PTPRR: variants seen among roughly 807,000 people sequenced by gnomAD.
PTPRR encodes receptor-type tyrosine-protein phosphatase R.
In PTPRR, 38 loss-of-function variants were observed where a neutral mutation model predicts 77.2. That is an observed-to-expected ratio of 0.49 (90% CI 0.38 to 0.65). The LOEUF is 0.65. Among genes scored for constraint, PTPRR ranks in the 30% least tolerant of loss-of-function variants. PTPRR has a pLI of 0.00. For synonymous variants in PTPRR, 299 were observed against 283.1 expected, an observed-to-expected ratio of 1.06 and a Z score of -0.57; for missense variants, 744 against 799.2, an observed-to-expected ratio of 0.93 and a Z score of 0.83.
intron 13 of PTPRR, among the ~76,000 whole-genome samples, chr12:70,647,097 A>G (rs1352717733): frequency 6.6e-6 from 1 of 152,130 alleles, no homozygotes; most frequent in Non-Finnish European, 1.5e-5. Flanking sequence ...CCTCTAAGGT[A>G]AGGATGTACA....
intron 1 of PTPRR, among the ~76,000 whole-genome samples, chr12:70,904,270 A>G (rs1665990638): frequency 6.6e-6 from 1 of 151,932 alleles, no homozygotes; most frequent in African/African-American, 2.4e-5. Flanking sequence ...AAATTTTATT[A>G]GCAAGTCTAT....
At chr12:70,716,964 C>CAT (rs1889054998) in intron 6 of PTPRR, among the ~76,000 whole-genome samples, 1 of 152,152 alleles carries the variant, frequency 6.6e-6, no homozygotes, top group African/African-American at 2.4e-5. Flanking sequence ...CTACTATAAC[C>CAT]ATAAAGACAA....
At chr12:70,728,528 AATATATATATATATATATATAT>A (rs71068723) in intron 6 of PTPRR, among the ~76,000 whole-genome samples, 8 of 80,152 alleles carry the variant, frequency 1.0e-4, no homozygotes, top group Non-Finnish European at 1.6e-4. Flanking sequence ...CCAAAATCTG[AATATATATATATATATATATAT>A]ATATATATAT....
At chr12:70,919,498 A>G (rs186723916) in intron 1 of PTPRR, among the ~76,000 whole-genome samples, 46 of 152,256 alleles carry the variant, frequency 3.0e-4, no homozygotes, top group African/African-American at 1.1e-3. Context: ...CACCACATAT[A>G]ATATCTCTCA....
intron 5 of PTPRR, among the ~76,000 whole-genome samples, chr12:70,749,047 T>C (rs1336527352): frequency 6.6e-6 from 1 of 152,220 alleles, no homozygotes; most frequent in Non-Finnish European, 1.5e-5. Context: ...ATTTACCAGT[T>C]CCATCTGGGT....
intron 2 of PTPRR, among the ~76,000 whole-genome samples, chr12:70,844,737 T>TA (rs1218660901): frequency 6.6e-6 from 1 of 152,222 alleles, no homozygotes; most frequent in Non-Finnish European, 1.5e-5. Flanking sequence ...AAAATTCCAA[T>TA]AGACTTCAGC....
chr12:70,807,396 A>T (rs1446234143), intron 2 of PTPRR, among the ~76,000 whole-genome samples: 1 of 152,206 alleles, frequency 6.6e-6, no homozygotes, highest in Admixed American at 6.5e-5. Context: ...CATTATTAAG[A>T]ACTATAGTCA....
At chr12:70,700,970 T>G (rs1888400178) in intron 7 of PTPRR, among the ~76,000 whole-genome samples, 167 bp downstream of exon 7, 1 of 152,232 alleles carries the variant, frequency 6.6e-6, no homozygotes, top group Non-Finnish European at 1.5e-5. Flanking sequence ...ATTCCAATTT[T>G]AATACTTATC....
intron 4 of PTPRR, among the ~76,000 whole-genome samples, chr12:70,756,627 GC>G (rs1382085988): frequency 6.6e-6 from 1 of 151,942 alleles, no homozygotes; most frequent in African/African-American, 2.4e-5. Context: ...ACATTTCTTT[GC>G]CCTTTAACTT....
chr12:70,802,111 A>G (rs1251061590), intron 2 of PTPRR, among the ~76,000 whole-genome samples: 1 of 152,188 alleles, frequency 6.6e-6, no homozygotes, highest in Non-Finnish European at 1.5e-5. Context: ...CCTCTACTTT[A>G]GCTCCTTTTC....
intron 10 of PTPRR, among the ~76,000 whole-genome samples, chr12:70,678,053 T>G (rs1246480512): frequency 6.6e-6 from 1 of 152,172 alleles, no homozygotes; most frequent in Non-Finnish European, 1.5e-5. Context: ...GGATACTTTT[T>G]TTTTTGAGAT....
At chr12:70,851,064 T>G (rs1565718190) in intron 2 of PTPRR, among the ~76,000 whole-genome samples, 1 of 152,198 alleles carries the variant, frequency 6.6e-6, no homozygotes. Context: ...ATAAGTCATT[T>G]GATTTAATTC....
chr12:70,672,604 G>C (rs1887276182), intron 10 of PTPRR: 8 of 1,466,734 alleles, frequency 5.5e-6, no homozygotes, highest in Middle Eastern at 1.8e-4. Flanking sequence ...TGTAGCAGAT[G>C]CACACATCTT....
At chr12:70,823,844 C>T (rs1892064233) in intron 2 of PTPRR, among the ~76,000 whole-genome samples, 1 of 152,188 alleles carries the variant, frequency 6.6e-6, no homozygotes, top group Admixed American at 6.5e-5. Flanking sequence ...GGGGCTGCTC[C>T]TGGGTCTTGT....
At chr12:70,908,642 A>C (rs996999709) in intron 1 of PTPRR, among the ~76,000 whole-genome samples, 2 of 152,138 alleles carry the variant, frequency 1.3e-5, no homozygotes, top group African/African-American at 2.4e-5. Flanking sequence ...TCAAGATGAG[A>C]CTTGGGTGAG....
At chr12:70,872,496 C>CCA (rs1892975624) in intron 2 of PTPRR, among the ~76,000 whole-genome samples, 1 of 151,714 alleles carries the variant, frequency 6.6e-6, no homozygotes, top group Non-Finnish European at 1.5e-5. Flanking sequence ...GAGATCGAGA[C>CCA]CATCCTGGCT....
rs373823799 is a variant in PTPRR, at chr12:70,843,792, A to G, written c.357+48887T>C. Among the ~76,000 whole-genome samples the G allele has an allele frequency of 6.6e-5, 10 of 151,522 alleles. No individual in the cohort carries two copies. In the East Asian group the frequency reaches 1.7e-3, roughly 26 times the overall value. ...TTGAGAGCTTTGAAAGATTTGAGAC[A>G]TAAATGTTGCTGAAAATTTTTTTTT... On this transcript the variant is annotated intron_variant, in intron 2 of 13. Coordinates refer to ENST00000283228, the MANE Select transcript of PTPRR (RefSeq NM_002849.4).
intron 2 of PTPRR, among the ~76,000 whole-genome samples, chr12:70,831,977 G>A (rs1273635809): frequency 1.3e-5 from 2 of 152,100 alleles, no homozygotes; most frequent in South Asian, 4.1e-4. Context: ...AAACAAAATC[G>A]CTTTCCCCAT....
At chr12:70,754,702 T>G in intron 4 of PTPRR, 1 of 1,594,258 alleles carries the variant, frequency 6.3e-7, no homozygotes, top group Non-Finnish European at 8.5e-7. Flanking sequence ...CGTGCTGTAC[T>G]ACCTCTTTAC....
Sources: allele counts gnomAD v4.1 joint callset (sites outside exome capture counted in the v4.1 genomes callset), GRCh38; gene constraint gnomAD v4.1.1; transcripts MANE v1.5; gene names NCBI Gene and HGNC (gene_info 2026-07-23, HGNC 2026-07-21).